PABPC4L: variants seen among roughly 807,000 people sequenced by gnomAD.
PABPC4L encodes the protein poly(A) binding protein cytoplasmic 4 like.
For synonymous variants in PABPC4L, 169 were observed against 164.1 expected (o/e 1.03, Z -0.23); for missense variants, 452 against 451.4 (o/e 1.00, Z -0.01).
chr4:134,188,102 G>T, the PABPC4L span, among the ~76,000 whole-genome samples: 31,815 of 151,300 alleles, frequency 0.21, 4,121 homozygotes, highest in Non-Finnish European at 0.27. Context: ...TTTTTCATGT[G>T]TGTGTGTGCA....
At chr4:134,139,004 C>A in the PABPC4L span, among the ~76,000 whole-genome samples, 1 of 151,712 alleles carries the variant, frequency 6.6e-6, no homozygotes, top group Non-Finnish European at 1.5e-5. Context: ...ATATGTCAAG[C>A]CTATTTCATT....
the PABPC4L span, among the ~76,000 whole-genome samples, chr4:134,089,416 C>A: frequency 1.3e-5 from 2 of 152,020 alleles, no homozygotes; most frequent in Non-Finnish European, 2.9e-5. Flanking sequence ...ACCCAAAGTC[C>A]ACAGTTTACA....
At chr4:133,978,979 G>A in the PABPC4L span, 7 of 152,140 alleles carry the variant, frequency 4.6e-5, no homozygotes, top group East Asian at 1.9e-4. Context: ...TTGAAAAGAC[G>A]CAATTATAGT....
chr4:134,174,782 C>A, the PABPC4L span, among the ~76,000 whole-genome samples: 2 of 151,900 alleles, frequency 1.3e-5, no homozygotes, highest in African/African-American at 4.8e-5. Context: ...TTTTAGAGTT[C>A]ATTTATTTCT....
chr4:134,124,126 AT>A, the PABPC4L span, among the ~76,000 whole-genome samples: 23 of 152,128 alleles, frequency 1.5e-4, no homozygotes, highest in African/African-American at 5.5e-4. Context: ...TGGGAAGAGT[AT>A]GGTGAGGTTA....
chr4:134,016,993 G>C, the PABPC4L span, among the ~76,000 whole-genome samples: 1,167 of 152,190 alleles, frequency 7.7e-3, 8 homozygotes, highest in Middle Eastern at 0.034. Context: ...TTTCCTACAA[G>C]GTCTGAGAAG....
chr4:134,091,702 G>A, the PABPC4L span, among the ~76,000 whole-genome samples: 1 of 150,666 alleles, frequency 6.6e-6, no homozygotes, highest in South Asian at 2.1e-4. Context: ...AAATTTTTGA[G>A]TTTTTTTTTA....
At chr4:134,056,748 T>C in the PABPC4L span, among the ~76,000 whole-genome samples, 102 of 152,172 alleles carry the variant, frequency 6.7e-4, no homozygotes, top group African/African-American at 2.3e-3. Flanking sequence ...CCTCCAAACT[T>C]GCTAAACATA....
the PABPC4L span, among the ~76,000 whole-genome samples, chr4:134,151,045 A>C: frequency 6.6e-6 from 1 of 152,316 alleles, no homozygotes; most frequent in Non-Finnish European, 1.5e-5. Context: ...ATGAATACAT[A>C]CTATATAATT....
At chr4:134,008,538 T>C in the PABPC4L span, among the ~76,000 whole-genome samples, 42 of 151,570 alleles carry the variant, frequency 2.8e-4, no homozygotes, top group Non-Finnish European at 4.6e-4. Flanking sequence ...AATTAAATTA[T>C]AGAAAGGGGT....
the PABPC4L span, among the ~76,000 whole-genome samples, chr4:134,110,069 C>T: frequency 2.0e-5 from 3 of 151,956 alleles, no homozygotes; most frequent in East Asian, 1.9e-4. Context: ...ACTTGCTTTT[C>T]TACCTGAGGA....
the PABPC4L span, among the ~76,000 whole-genome samples, chr4:134,036,998 G>C: frequency 4.0e-5 from 6 of 151,204 alleles, no homozygotes; most frequent in South Asian, 2.1e-4. Flanking sequence ...GGAGGTTTTA[G>C]TGAGCTGAGA....
At chr4:134,187,298 G>A in the PABPC4L span, among the ~76,000 whole-genome samples, 1 of 151,856 alleles carries the variant, frequency 6.6e-6, no homozygotes, top group East Asian at 1.9e-4. Context: ...CAACCTAAAT[G>A]TCCATCAATG....
the PABPC4L span, among the ~76,000 whole-genome samples, chr4:134,174,265 C>T: frequency 5.9e-5 from 9 of 151,758 alleles, no homozygotes; most frequent in South Asian, 2.1e-4. Context: ...GAAGGAATTG[C>T]GCTGGGCTGT....
the PABPC4L span, among the ~76,000 whole-genome samples, chr4:134,174,448 A>C: frequency 6.6e-6 from 1 of 152,168 alleles, no homozygotes; most frequent in East Asian, 1.9e-4. Flanking sequence ...GTGTGTTTAC[A>C]TCAGCATCAC....
At chr4:134,068,030 T>G in the PABPC4L span, among the ~76,000 whole-genome samples, 5 of 152,134 alleles carry the variant, frequency 3.3e-5, no homozygotes, top group East Asian at 9.6e-4. Context: ...AGATATTTGT[T>G]AGGTCCATTT....
At chr4:134,057,682 C>T in the PABPC4L span, among the ~76,000 whole-genome samples, 2 of 151,970 alleles carry the variant, frequency 1.3e-5, no homozygotes, top group Non-Finnish European at 2.9e-5. Flanking sequence ...TTTGGTGGTG[C>T]GTATCTATTC....
the PABPC4L span, among the ~76,000 whole-genome samples, chr4:134,177,207 G>A: frequency 1.6e-5 from 2 of 123,548 alleles, no homozygotes; most frequent in Non-Finnish European, 3.2e-5. Context: ...TTTTTTAGAC[G>A]TAGTCTAGCT....
the PABPC4L span, among the ~76,000 whole-genome samples, chr4:133,988,105 C>G: frequency 6.6e-6 from 1 of 152,108 alleles, no homozygotes; most frequent in Non-Finnish European, 1.5e-5. Context: ...CCACAATGTC[C>G]CTCCCATGAC....
Sources: gnomAD v4.1 joint callset for allele counts (sites outside exome capture counted in the v4.1 genomes callset) on GRCh38, gnomAD v4.1.1 for gene constraint, MANE v1.5 for transcripts, NCBI Gene and HGNC (gene_info 2026-07-23, HGNC 2026-07-21) for gene names.